The following ZNF512 variants were observed in gnomAD, a reference collection of about 807,000 sequenced individuals.
ZNF512 encodes the protein zinc finger protein 512.
Under a neutral mutation model 77.5 loss-of-function variants are expected in ZNF512, and 25 were observed. That is an observed-to-expected ratio of 0.32 (90% confidence interval 0.23 to 0.45). The LOEUF is 0.45. Ranked by LOEUF, ZNF512 falls within the 20% of genes least tolerant of loss-of-function variation. The pLI, the probability that ZNF512 is intolerant of heterozygous loss-of-function variation, is 1.00. For missense variants in ZNF512, 483 were observed against 692.6 expected (o/e 0.70, Z 3.40); for synonymous variants, 246 against 239.9 (o/e 1.03, Z -0.24).
intron 9 of ZNF512, among the ~76,000 whole-genome samples, chr2:27,607,572 T>C (rs1464929119): frequency 1.3e-5 from 2 of 152,198 alleles, no homozygotes; most frequent in Non-Finnish European, 2.9e-5. Flanking sequence ...TTCACCATGT[T>C]AGCCAGGCTG....
intron 12 of ZNF512, 44 bp downstream of exon 12, chr2:27,616,368 A>G (rs1418775394): frequency 6.9e-7 from 1 of 1,447,002 alleles, no homozygotes; most frequent in Non-Finnish European, 9.7e-7. Context: ...GTCCTCTAAA[A>G]TAGTCTGACA....
chr2:27,600,967 G>C, intron 6 of ZNF512, 152 bp downstream of exon 6: 1 of 1,089,600 alleles, frequency 9.2e-7, no homozygotes, highest in Non-Finnish European at 1.2e-6. Flanking sequence ...AGTTAGGTTT[G>C]AATCTTCTCT....
intron 10 of ZNF512, among the ~76,000 whole-genome samples, chr2:27,612,998 C>T (rs1672730342): frequency 6.6e-6 from 1 of 152,186 alleles, no homozygotes; most frequent in African/African-American, 2.4e-5. Context: ...TGAGTCACTA[C>T]TCCTCATCCC....
At chr2:27,595,088 C>T (rs1671796916) in intron 2 of ZNF512, among the ~76,000 whole-genome samples, 1 of 152,128 alleles carries the variant, frequency 6.6e-6, no homozygotes. Flanking sequence ...GAGATCACGG[C>T]AGTATGGTCC....
chr2:27,595,065 G>A (rs1472687916), intron 2 of ZNF512, among the ~76,000 whole-genome samples: 2 of 152,170 alleles, frequency 1.3e-5, no homozygotes, highest in South Asian at 4.1e-4. Flanking sequence ...AGGTAGGGAG[G>A]TTGTAGCTAG....
chr2:27,616,098 T>A (rs1672867792), intron 11 of ZNF512, among the ~76,000 whole-genome samples, 164 bp from the exon 12 acceptor site: 1 of 152,262 alleles, frequency 6.6e-6, no homozygotes, highest in Non-Finnish European at 1.5e-5. Flanking sequence ...TCCTTGGCTT[T>A]CCTTCTTTTG....
chr2:27,587,971 C>A (rs867905261), intron 2 of ZNF512, among the ~76,000 whole-genome samples: 1 of 151,334 alleles, frequency 6.6e-6, no homozygotes, highest in African/African-American at 2.4e-5. Context: ...TGAGCCACCG[C>A]GCCCAGCCTT....
rs373871476 is a variant in ZNF512, at chr2:27,621,342, A to G, written c.1585A>G (p.Arg529Gly). The G allele has an allele frequency of 2.0e-4, 330 of 1,614,048 alleles. No homozygotes were observed. Among genetic ancestry groups the G allele is most frequent in the Non-Finnish European group, 2.7e-4 (321 of 1,180,032 alleles). ...TCTTAGAGTAGGGAAGGATCAGAGGAGGAATAATGAGGAACTGGTAGTGTC... is the reference window on the plus strand; with the variant it reads ...TCTTAGAGTAGGGAAGGATCAGAGGGGGAATAATGAGGAACTGGTAGTGTC... ...LSLRVGKDQR[R>G]NNEELVVSAS... The change falls in exon 14 of 14, where the codon AGG becomes GGG. Residue 529 changes from arginine (R) to glycine (G), a missense_variant. Physicochemically the swap from Arg to Gly is moderately radical, Grantham distance 125. Coordinates refer to ENST00000355467, the MANE Select transcript of ZNF512 (RefSeq NM_032434.4).
chr2:27,611,416 A>T (rs2148037464), intron 10 of ZNF512, among the ~76,000 whole-genome samples: 1 of 151,932 alleles, frequency 6.6e-6, no homozygotes, highest in East Asian at 2.0e-4. Flanking sequence ...GAGTATCATG[A>T]CTCTCAGTGG....
intron 2 of ZNF512, among the ~76,000 whole-genome samples, chr2:27,587,305 C>T (rs561762656): frequency 7.2e-6 from 1 of 137,944 alleles, no homozygotes; most frequent in South Asian, 2.4e-4. Flanking sequence ...GAGACAGTGT[C>T]TCCCTCTGTC....
At chr2:27,603,089 A>T (rs1352991829) in intron 8 of ZNF512, 51 bp from the exon 9 acceptor site, 2 of 1,594,596 alleles carry the variant, frequency 1.3e-6, no homozygotes, top group Non-Finnish European at 1.7e-6. Context: ...AAATTTAGGG[A>T]TCATGTCAAA....
chr2:27,617,733 T>G (rs773413472), intron 13 of ZNF512, among the ~76,000 whole-genome samples, 162 bp downstream of exon 13: 4 of 152,130 alleles, frequency 2.6e-5, no homozygotes, highest in Admixed American at 2.6e-4. Flanking sequence ...ATAATTGTAT[T>G]TTTCTGTGAA....
intron 10 of ZNF512, among the ~76,000 whole-genome samples, chr2:27,609,051 G>C (rs1027944616): frequency 1.3e-5 from 2 of 151,640 alleles, no homozygotes; most frequent in Non-Finnish European, 2.9e-5. Context: ...GGAGGTTGCA[G>C]TGAGCCAAGA....
intron 12 of ZNF512, 131 bp from the exon 13 acceptor site, chr2:27,617,342 A>G: frequency 1.6e-6 from 1 of 626,538 alleles, no homozygotes; most frequent in South Asian, 1.9e-5. Context: ...CTATTACTAT[A>G]TTGGATCTTT....
In ZNF512 at chr2:27,617,701, A is replaced by C. The variant is rs1249282819; in HGVS notation, c.1395+130A>C. 3.4e-5 allele frequency: 20 copies of C among 587,276 alleles called. No homozygotes were observed. The East Asian group carries it at 5.5e-4, about 16-fold the overall frequency. 36.4% of individuals were successfully genotyped at this position (587,276 alleles called of 1,614,324 possible). Reference sequence around the variant, plus strand: ...TGGTTACCAGAGCCATTAGAGTTAAAATATTCTCTAAACTTAGATATATAA... The same window carrying C: ...TGGTTACCAGAGCCATTAGAGTTAACATATTCTCTAAACTTAGATATATAA... On this transcript the variant is annotated intron_variant, in intron 13 of 13. Coordinates refer to ENST00000355467, the MANE Select transcript of ZNF512 (RefSeq NM_032434.4).
At chr2:27,602,589 C>T (rs1672168064) in intron 8 of ZNF512, 28 bp downstream of exon 8, 1 of 1,578,654 alleles carries the variant, frequency 6.3e-7, no homozygotes, top group Non-Finnish European at 8.6e-7. Context: ...GCAATTCCTT[C>T]TGCCTGAATT....
intron 7 of ZNF512, among the ~76,000 whole-genome samples, chr2:27,601,750 G>A (rs1486557416): frequency 1.3e-5 from 2 of 152,226 alleles, no homozygotes; most frequent in Admixed American, 6.5e-5. Context: ...CTGGGTTCAA[G>A]CGATTGTCCT....
Position 27,617,529 on chromosome 2 carries a change from A to G in ZNF512, c.1353A>G (p.Ser451=), listed in dbSNP as rs1222310324. 26 of 1,504,668 alleles carry G rather than the reference A, an allele frequency of 1.7e-5. No individual in the cohort carries two copies. The highest frequency in any genetic ancestry group is 4.1e-5 in the African/African-American group (3 of 72,738). The allele number at this position is 1,504,668 out of a possible 1,614,324, so 93.2% of individuals were successfully genotyped here. A position where few individuals can be genotyped will look rare whatever the true frequency, so the allele number is the denominator to read the frequency against. ...TTCTATGTCAGAAAGAATTTGTGTC[A>G]GAGAGTGGTGTCAAGTATCACATCA... ...KCLLCQKEFV[S]ESGVKYHINS... The change falls in exon 13 of 14, where the codon TCA becomes TCG. Residue 451 remains serine, a synonymous_variant. Coordinates refer to ENST00000355467, the MANE Select transcript of ZNF512 (RefSeq NM_032434.4).
chr2:27,618,215 C>T (rs187068501), intron 13 of ZNF512, among the ~76,000 whole-genome samples: 5 of 152,226 alleles, frequency 3.3e-5, no homozygotes, highest in South Asian at 4.2e-4. Context: ...CCACCATGCC[C>T]GGCCTGAACT....
Sources: allele counts gnomAD v4.1 joint callset (sites outside exome capture counted in the v4.1 genomes callset), GRCh38; gene constraint gnomAD v4.1.1; transcripts MANE v1.5; gene names NCBI Gene and HGNC (gene_info 2026-07-23, HGNC 2026-07-21).